Variants in DNM3 observed in about 807,000 individuals in gnomAD.
The protein encoded by DNM3 is dynamin 3, also known as dynamin-3.
Under a neutral mutation model 101.6 loss-of-function variants are expected in DNM3, and 47 were observed. The ratio of observed to expected loss-of-function variants is 0.46; its 90% CI spans 0.37 to 0.59. The LOEUF is 0.59. Among genes scored for constraint, DNM3 ranks in the 20% least tolerant of loss-of-function variants. The pLI, the probability that DNM3 is intolerant of heterozygous loss-of-function variation, is 0.00. For synonymous variants in DNM3, 385 were observed against 387.9 expected, an observed-to-expected ratio of 0.99 and a Z score of 0.09; for missense variants, 849 against 1,085.7, an observed-to-expected ratio of 0.78 and a Z score of 3.06.
chr1:171,895,308 G>A (rs982717964), intron 1 of DNM3, among the ~76,000 whole-genome samples: 2 of 152,128 alleles, frequency 1.3e-5, no homozygotes, highest in African/African-American at 4.8e-5. Context: ...GTTGTTTCCT[G>A]ACTTTTTAAT....
At chr1:172,229,404 T>G (rs1439251434) in intron 14 of DNM3, among the ~76,000 whole-genome samples, 1 of 152,174 alleles carries the variant, frequency 6.6e-6, no homozygotes, top group African/African-American at 2.4e-5. Flanking sequence ...AAATGGCAAT[T>G]AAATAACTGG....
intron 1 of DNM3, among the ~76,000 whole-genome samples, chr1:171,891,975 C>G (rs1265408689): frequency 6.6e-6 from 1 of 152,196 alleles, no homozygotes; most frequent in African/African-American, 2.4e-5. Context: ...TGGAACTCAT[C>G]TGCGTGGGAG....
At chr1:172,391,866 G>A (rs1023724628) in intron 20 of DNM3, among the ~76,000 whole-genome samples, 1 of 152,172 alleles carries the variant, frequency 6.6e-6, no homozygotes, top group Non-Finnish European at 1.5e-5. Flanking sequence ...AACTTTTAGA[G>A]ACAAGAGATT....
intron 2 of DNM3, among the ~76,000 whole-genome samples, chr1:171,964,992 A>G (rs1172685394): frequency 6.6e-6 from 1 of 152,074 alleles, no homozygotes; most frequent in Non-Finnish European, 1.5e-5. Flanking sequence ...TGGGTGTCCT[A>G]CAATTTAATT....
chr1:172,028,561 T>A (rs371035328), intron 4 of DNM3, among the ~76,000 whole-genome samples: 1 of 151,842 alleles, frequency 6.6e-6, no homozygotes. Flanking sequence ...AAGAAATAAC[T>A]AGGATAAGAG....
At chr1:172,235,713 G>T (rs1357288116) in intron 14 of DNM3, among the ~76,000 whole-genome samples, 7 of 152,126 alleles carry the variant, frequency 4.6e-5, no homozygotes, top group Admixed American at 4.6e-4. Context: ...GATGAAGCTG[G>T]AAACCATCAT....
At chr1:171,971,793 C>T (rs1252033201) in intron 2 of DNM3, among the ~76,000 whole-genome samples, 1 of 152,136 alleles carries the variant, frequency 6.6e-6, no homozygotes, top group Non-Finnish European at 1.5e-5. Flanking sequence ...ATAATATTTT[C>T]ATGGTATTAA....
At chr1:172,131,134 T>C (rs1324000525) in intron 13 of DNM3, 41 bp from the exon 14 acceptor site, 4 of 1,582,306 alleles carry the variant, frequency 2.5e-6, no homozygotes, top group Admixed American at 3.4e-5. Flanking sequence ...CAGTGGCTTT[T>C]GTTAAACTAA....
At chr1:172,365,938 G>T (rs944183256) in intron 17 of DNM3, among the ~76,000 whole-genome samples, 4 of 151,938 alleles carry the variant, frequency 2.6e-5, no homozygotes, top group African/African-American at 9.7e-5. Flanking sequence ...TATACATTCA[G>T]ACATGCTAGT....
rs371111178 is a variant in DNM3, at chr1:172,154,766, T to C, written c.1659+23478T>C. Among the ~76,000 whole-genome samples, 66 of 152,196 alleles carry C rather than the reference T, an allele frequency of 4.3e-4. No homozygotes were observed. The East Asian group carries it at 9.3e-3, about 21-fold the overall frequency. On this transcript the variant is annotated intron_variant, in intron 14 of 20. Transcript: ENST00000627582. Reference sequence around the variant, plus strand: ...TGAGTAATTTTGTTTCCTGTTGATGTAGTGTAGTAATACAACTATGACATG... The same window carrying C: ...TGAGTAATTTTGTTTCCTGTTGATGCAGTGTAGTAATACAACTATGACATG...
At chr1:172,359,400 A>G (rs1383872505) in intron 17 of DNM3, among the ~76,000 whole-genome samples, 2 of 151,880 alleles carry the variant, frequency 1.3e-5, no homozygotes, top group Non-Finnish European at 2.9e-5. Context: ...AGATAGTAAA[A>G]TGTAGAGAAT....
intron 17 of DNM3, among the ~76,000 whole-genome samples, chr1:172,348,339 G>A (rs557423839): frequency 6.6e-6 from 1 of 152,006 alleles, no homozygotes; most frequent in Non-Finnish European, 1.5e-5. Context: ...TACATAATAA[G>A]TAACAACAAG....
intron 2 of DNM3, among the ~76,000 whole-genome samples, chr1:171,976,381 T>C (rs1027403989): frequency 6.6e-6 from 1 of 152,206 alleles, no homozygotes; most frequent in African/African-American, 2.4e-5. Flanking sequence ...CTCACACTCA[T>C]GGTGGAAGGT....
intron 15 of DNM3, among the ~76,000 whole-genome samples, chr1:172,263,657 G>C (rs2062751189): frequency 6.6e-6 from 1 of 152,116 alleles, no homozygotes; most frequent in African/African-American, 2.4e-5. Context: ...GATCTTGTGA[G>C]ACTTATTCAC....
In DNM3 at chr1:172,059,037, A is replaced by C. The variant is rs1269540755; in HGVS notation, c.1336-9782A>C. On this transcript the variant is annotated intron_variant, in intron 10 of 20. Coordinates refer to ENST00000627582, the MANE Select transcript of DNM3 (RefSeq NM_015569.5). ...TATCACCACAGATCACACAGAAATA[A>C]AAACTACCATCAGAGAATACTACAA... is the stretch of plus-strand genomic sequence containing the variant. Among the ~76,000 whole-genome samples the C allele has an allele frequency of 8.5e-5, 13 of 152,116 alleles. No individual in the cohort carries two copies. The East Asian group carries it at 9.6e-4, about 11-fold the overall frequency.
intron 9 of DNM3, among the ~76,000 whole-genome samples, 164 bp downstream of exon 9, chr1:172,044,616 G>A (rs2049631182): frequency 6.6e-6 from 1 of 152,168 alleles, no homozygotes; most frequent in Non-Finnish European, 1.5e-5. Context: ...GTAACTTCCT[G>A]TATTGCTGTA....
At chr1:171,940,997 T>A (rs2041774038) in intron 2 of DNM3, among the ~76,000 whole-genome samples, 1 of 152,164 alleles carries the variant, frequency 6.6e-6, no homozygotes, top group African/African-American at 2.4e-5. Context: ...TCTAAATTGT[T>A]GTTTGCTTTA....
intron 1 of DNM3, among the ~76,000 whole-genome samples, chr1:171,914,282 C>T (rs375812251): frequency 3.3e-5 from 5 of 152,076 alleles, no homozygotes; most frequent in South Asian, 2.1e-4. Context: ...CTCAGCCTCC[C>T]GAGTAGCTGG....
chr1:171,907,928 A>G (rs2038965330), intron 1 of DNM3, among the ~76,000 whole-genome samples: 1 of 152,156 alleles, frequency 6.6e-6, no homozygotes, highest in African/African-American at 2.4e-5. Flanking sequence ...CCAAAAACAT[A>G]TACTTATAAG....
Sources: gnomAD v4.1 joint callset for allele counts (sites outside exome capture counted in the v4.1 genomes callset) on GRCh38, gnomAD v4.1.1 for gene constraint, MANE v1.5 for transcripts, NCBI Gene and HGNC (gene_info 2026-07-23, HGNC 2026-07-21) for gene names.